Variants in DYNLT5 observed in about 807,000 individuals in gnomAD.
The protein encoded by DYNLT5 is dynein light chain Tctex-type 5.
DYNLT5 carries 25 observed loss-of-function variants against 19.3 expected under a neutral mutation model. The ratio of observed to expected loss-of-function variants is 1.30; its 90% CI spans 0.95 to 1.81. The LOEUF (loss-of-function observed/expected upper bound fraction) is 1.81. DYNLT5 is among the 40% of genes most tolerant of loss of function. The probability of loss-of-function intolerance (pLI) is 0.00; values close to 1 mark genes in which losing one functional copy is unlikely to be tolerated. For missense variants in DYNLT5, 232 were observed against 217.9 expected, an observed-to-expected ratio of 1.06 and a Z score of -0.41; for synonymous variants, 82 against 68.9, an observed-to-expected ratio of 1.19 and a Z score of -0.94.
chr1:66,761,349 G>T (rs1216885090), intron 2 of DYNLT5, among the ~76,000 whole-genome samples: 2 of 152,118 alleles, frequency 1.3e-5, no homozygotes, highest in Non-Finnish European at 2.9e-5. Flanking sequence ...ATCCTTTATT[G>T]CTAAAAATGC....
rs971019433 is a variant in DYNLT5, at chr1:66,778,554, A to G, written c.*1100A>G. ...GCCTAGAGGACATTTGTTAAAGGTC[A>G]AAGACAAATTGTACACATATGGAGA... On this transcript the variant is annotated 3_prime_UTR_variant, in exon 5 of 5. Transcript: ENST00000282670. 6.6e-6 allele frequency: 1 copy of G among 152,654 alleles called. No homozygotes were observed. Among genetic ancestry groups the G allele is most frequent in the African/African-American group, 2.4e-5 (1 of 41,452 alleles). 9.5% of individuals were successfully genotyped at this position (152,654 alleles called of 1,614,324 possible).
chr1:66,754,798 G>T, intron 2 of DYNLT5, 21 bp downstream of exon 2: 1 of 1,597,434 alleles, frequency 6.3e-7, no homozygotes. Context: ...GTCTAAAATT[G>T]TAAATTCATT....
chr1:66,771,448 A>G (rs1046692322), intron 3 of DYNLT5, among the ~76,000 whole-genome samples: 2 of 152,230 alleles, frequency 1.3e-5, no homozygotes, highest in African/African-American at 4.8e-5. Context: ...GCAGTGACTG[A>G]TTCTAGGATG....
intron 2 of DYNLT5, among the ~76,000 whole-genome samples, chr1:66,758,232 G>A (rs1181371046): frequency 2.0e-5 from 3 of 152,132 alleles, no homozygotes; most frequent in Admixed American, 6.5e-5. Context: ...TCTGTTTCCC[G>A]TCCACAGTAA....
At chr1:66,763,231 T>C (rs868561785) in intron 2 of DYNLT5, among the ~76,000 whole-genome samples, 4 of 152,192 alleles carry the variant, frequency 2.6e-5, no homozygotes, top group Admixed American at 1.3e-4. Context: ...GGGCTTAAAA[T>C]ATTCAAGAAA....
rs150033856 is a variant in DYNLT5, at chr1:66,754,256, A to G, written c.-3-400A>G. Among the ~76,000 whole-genome samples, 476 of 152,282 alleles carry G rather than the reference A, an allele frequency of 3.1e-3. 5 individuals carry two copies. The highest frequency in any genetic ancestry group is 0.011 in the African/African-American group (454 of 41,544). The stretch of plus-strand genomic sequence containing the variant: ...CCCTGTCTCAAAAATAAAATATAAC[A>G]GTGACAGCAAATATTAATTAGCAAA... On this transcript the variant is annotated intron_variant, in intron 1 of 4. Transcript: ENST00000282670.
At chr1:66,775,123 GGAA>G (rs1201895283) in intron 3 of DYNLT5, 1 of 152,226 alleles carries the variant, frequency 6.6e-6, no homozygotes, top group Non-Finnish European at 1.5e-5. Context: ...GGATGCAGGA[GGAA>G]GAAGATTCAT....
intron 3 of DYNLT5, among the ~76,000 whole-genome samples, chr1:66,773,538 A>G (rs1645216158): frequency 6.6e-6 from 1 of 152,154 alleles, no homozygotes; most frequent in Admixed American, 6.6e-5. Flanking sequence ...TCAGCATGCA[A>G]TAACTACAAT....
intron 4 of DYNLT5, 58 bp from the exon 5 acceptor site, chr1:66,777,193 A>T: frequency 7.2e-7 from 1 of 1,398,482 alleles, no homozygotes; most frequent in Non-Finnish European, 1.0e-6. Flanking sequence ...AACAAAGGTT[A>T]ATGCTTTTGA....
At chr1:66,771,240 A>G (rs1427834144) in intron 3 of DYNLT5, among the ~76,000 whole-genome samples, 2 of 152,230 alleles carry the variant, frequency 1.3e-5, no homozygotes, top group Non-Finnish European at 2.9e-5. Flanking sequence ...CCCCAAGACT[A>G]CATGGATTAC....
intron 1 of DYNLT5, among the ~76,000 whole-genome samples, chr1:66,753,870 A>G (rs182179298): frequency 6.6e-6 from 1 of 152,278 alleles, no homozygotes; most frequent in Admixed American, 6.5e-5. Flanking sequence ...GGACCGCTTG[A>G]GCCCAGGAGT....
chr1:66,769,800 T>C (rs1178283325), intron 2 of DYNLT5, among the ~76,000 whole-genome samples: 1 of 152,186 alleles, frequency 6.6e-6, no homozygotes, highest in Non-Finnish European at 1.5e-5. Context: ...TTTTCGATGT[T>C]GAAAAGGCCG....
chr1:66,759,708 A>G (rs2094642542), intron 2 of DYNLT5, among the ~76,000 whole-genome samples: 1 of 152,230 alleles, frequency 6.6e-6, no homozygotes, highest in Non-Finnish European at 1.5e-5. Flanking sequence ...GGCAAAACAG[A>G]AGAAAAGAGA....
chr1:66,761,466 G>A (rs2094645819), intron 2 of DYNLT5, among the ~76,000 whole-genome samples: 1 of 152,212 alleles, frequency 6.6e-6, no homozygotes, highest in African/African-American at 2.4e-5. Flanking sequence ...GCTGAAGGTT[G>A]GGATAGCTGT....
At chr1:66,771,324 A>G (rs1424989816) in intron 3 of DYNLT5, among the ~76,000 whole-genome samples, 2 of 152,168 alleles carry the variant, frequency 1.3e-5, no homozygotes, top group Non-Finnish European at 2.9e-5. Flanking sequence ...CCTGCCATCC[A>G]ATATACTTTT....
At chr1:66,776,466 C>T in intron 4 of DYNLT5, 63 bp downstream of exon 4, 2 of 1,520,732 alleles carry the variant, frequency 1.3e-6, no homozygotes, top group South Asian at 1.3e-5. Flanking sequence ...GTACAACGGA[C>T]CCTCTACTTT....
At chr1:66,771,259 A>G (rs1178053401) in intron 3 of DYNLT5, among the ~76,000 whole-genome samples, 1 of 152,226 alleles carries the variant, frequency 6.6e-6, no homozygotes, top group East Asian at 1.9e-4. Flanking sequence ...ACACGGCTCC[A>G]TAATTAGCCA....
chr1:66,776,855 G>A (rs542902584), intron 4 of DYNLT5, among the ~76,000 whole-genome samples: 1 of 152,184 alleles, frequency 6.6e-6, no homozygotes, highest in Non-Finnish European at 1.5e-5. Flanking sequence ...AAACATTAAT[G>A]ATTAGTTATA....
intron 3 of DYNLT5, among the ~76,000 whole-genome samples, chr1:66,775,782 G>A (rs1164531008): frequency 1.3e-5 from 2 of 152,206 alleles, no homozygotes; most frequent in African/African-American, 4.8e-5. Context: ...AAGAGCAAGA[G>A]TAAGGACACA....
Sources: gnomAD v4.1 joint callset for allele counts (sites outside exome capture counted in the v4.1 genomes callset) on GRCh38, gnomAD v4.1.1 for gene constraint, MANE v1.5 for transcripts, NCBI Gene and HGNC (gene_info 2026-07-23, HGNC 2026-07-21) for gene names.